Variants in SALL1 observed in about 807,000 individuals in gnomAD.
SALL1 encodes the protein sal-like protein 1.
SALL1 carries 10 observed loss-of-function variants against 73.1 expected under a neutral mutation model. The observed-to-expected ratio is 0.14, with a 90% CI of 0.08 to 0.23. SALL1 has a LOEUF of 0.23. Among genes scored for constraint, SALL1 ranks in the 10% least tolerant of loss-of-function variants. The probability of loss-of-function intolerance (pLI) is 1.00; values close to 1 mark genes in which losing one functional copy is unlikely to be tolerated. For missense variants in SALL1, 1,520 were observed against 1,697.3 expected (o/e 0.90, Z 1.84); for synonymous variants, 688 against 689.8 (o/e 1.00, Z 0.04).
intron 1 of SALL1, among the ~76,000 whole-genome samples, chr16:51,142,439 A>T (rs1192329860): frequency 1.3e-5 from 2 of 152,168 alleles, no homozygotes; most frequent in Non-Finnish European, 2.9e-5. Flanking sequence ...CAAAATATTG[A>T]TTTCCAATCT....
intron 1 of SALL1, chr16:51,150,381 C>T: frequency 2.0e-6 from 2 of 985,286 alleles, no homozygotes; most frequent in African/African-American, 3.5e-5. Flanking sequence ...GCATACCGAC[C>T]AGAAAGATTT....
At chr16:51,147,278 T>C (rs1437290078) in intron 1 of SALL1, among the ~76,000 whole-genome samples, 2 of 152,254 alleles carry the variant, frequency 1.3e-5, no homozygotes, top group African/African-American at 2.4e-5. Context: ...TAACTAGACT[T>C]TGCTCATTTA....
rs1241832382 is a variant in SALL1, at chr16:51,138,980, A to G, written c.3242T>C (p.Leu1081Ser). The change falls in exon 2 of 3, where the codon TTG becomes TCG. Residue 1081 changes from leucine (L) to serine (S), a missense_variant. This residue lies in a region of SALL1 where 318 missense variants were observed against 357.1 expected (regional missense o/e 0.89). Transcript: ENST00000251020. ...GACCTCTGTCTTGATGAGAGATGAC[A>G]ACGAGTTGGCGGGAATCACCGCTGA... The part of the protein sequence containing the change: ...QNSAVIPANS[L>S]SSLIKTEVNG... The G allele has an allele frequency of 5.0e-6, 8 of 1,614,132 alleles. No individual in the cohort carries two copies. Among genetic ancestry groups the G allele is most frequent in the Non-Finnish European group, 5.9e-6 (7 of 1,180,010 alleles).
chr16:51,143,375 T>C, intron 1 of SALL1: 1 of 429,220 alleles, frequency 2.3e-6, no homozygotes, highest in Non-Finnish European at 4.7e-6. Context: ...CACCAACTTC[T>C]GTTGTACAAA....
At chr16:51,151,828 C>G (rs1044093094), upstream of SALL1, among the ~76,000 whole-genome samples, 1 of 149,816 alleles carries the variant, frequency 6.7e-6, no homozygotes, top group East Asian at 2.1e-4. Context: ...GGGGTGGGGC[C>G]GGGCGGCGAG....
In SALL1 at chr16:51,151,156, G is replaced by A. The variant is rs758439424; in HGVS notation, c.76+10C>T. On this transcript the variant is annotated intron_variant, in intron 1 of 2. Transcript: ENST00000251020. ...GTGTGTGTGTCCACGGCGCGGGCCGGAGCACTCACCATCTCGCCGGGGGAG... is the reference window on the plus strand; with the variant it reads ...GTGTGTGTGTCCACGGCGCGGGCCGAAGCACTCACCATCTCGCCGGGGGAG... 2.5e-6 allele frequency: 4 copies of A among 1,589,768 alleles called. No homozygotes were observed. The highest frequency in any genetic ancestry group is 2.3e-5 in the East Asian group (1 of 43,858).
intron 1 of SALL1, among the ~76,000 whole-genome samples, chr16:51,142,967 G>A (rs1962467049): frequency 6.6e-6 from 1 of 151,950 alleles, no homozygotes; most frequent in Admixed American, 6.5e-5. Context: ...GCAACATTAT[G>A]CCTCTAAATA....
At position 51,141,859 on chromosome 16, in the gene SALL1, C is replaced by G. The variant is rs750844915; in HGVS notation, c.363G>C (p.Arg121Ser). ...SDLSEHNGLD[R>S]EESMEVEAPV... ...GGGCCTCCACCTCCATGGACTCTTC[C>G]CTGTCAAGTCCGTTGTGTTCTGAAA... Residue 121 changes from arginine (R) to serine (S), a missense_variant, in exon 2 of 3, where the codon AGG (arginine) becomes AGC (serine). Coordinates refer to ENST00000251020, the MANE Select transcript of SALL1 (RefSeq NM_002968.3). The surrounding 1 kb of genome is among the most constrained non-coding windows in gnomAD (Gnocchi z 5.4). 1 of 1,613,902 alleles carries G rather than the reference C, an allele frequency of 6.2e-7. No individual in the cohort carries two copies. Among genetic ancestry groups the G allele is most frequent in the South Asian group, 1.1e-5 (1 of 91,074 alleles).
At chr16:51,145,598 G>A (rs73585427) in intron 1 of SALL1, among the ~76,000 whole-genome samples, 2,825 of 152,162 alleles carry the variant, frequency 0.019, 85 homozygotes, top group African/African-American at 0.066. Flanking sequence ...AGTTCCTGTT[G>A]TACTATTTAG....
intron 1 of SALL1, among the ~76,000 whole-genome samples, chr16:51,148,957 G>GT (rs1302898351): frequency 6.6e-6 from 1 of 152,034 alleles, no homozygotes; most frequent in Non-Finnish European, 1.5e-5. Context: ...GCCCCTAACA[G>GT]TTTACTGCTT....
chr16:51,141,319 C>G lies in SALL1; in HGVS notation c.903G>C (p.Gln301His). The G allele has an allele frequency of 6.2e-7, 1 of 1,613,814 alleles. No homozygotes were observed. The highest frequency in any genetic ancestry group is 8.5e-7 in the Non-Finnish European group (1 of 1,180,044). The change falls in exon 2 of 3, where the codon CAG becomes CAC. Residue 301 changes from glutamine (Q) to histidine (H), a missense_variant. Physicochemically the swap from Gln to His is conservative, Grantham distance 24. Coordinates refer to ENST00000251020, the MANE Select transcript of SALL1 (RefSeq NM_002968.3). This position sits in a 1 kb window ranked among gnomAD's most constrained non-coding sequence, Gnocchi z 5.4. ...QQLAAAAGLA[Q>H]SLASQSASIS... ...TGCTGGCAGATTGGCTGGCGAGGCT[C>G]TGTGCCAATCCAGCTGCTGCTGCCA...
At chr16:51,150,110 G>C (rs1209981493) in intron 1 of SALL1, among the ~76,000 whole-genome samples, 1 of 151,806 alleles carries the variant, frequency 6.6e-6, no homozygotes, top group Non-Finnish European at 1.5e-5. Flanking sequence ...AGCAAGGAGG[G>C]ATTCCAGGTG....
In SALL1 at chr16:51,138,553, T is replaced by A. The variant is rs1055300881; in HGVS notation, c.3534+135A>T. The A allele has an allele frequency of 3.7e-5, 43 of 1,172,046 alleles. No homozygotes were observed. In the African/African-American group the frequency reaches 5.8e-4, roughly 16 times the overall value. The allele number at this position is 1,172,046 out of a possible 1,614,324, so 72.6% of individuals were successfully genotyped here. A position where few individuals can be genotyped will look rare whatever the true frequency, so the allele number is the denominator to read the frequency against. On this transcript the variant is annotated intron_variant, in intron 2 of 2. Coordinates refer to ENST00000251020, the MANE Select transcript of SALL1 (RefSeq NM_002968.3). The stretch of plus-strand genomic sequence containing the variant: ...TCCCCCATTTCTCCCCCGTCAACCA[T>A]GTGCAGCAGGTTCCCTTGCAAGAGC...
Position 51,141,681 on chromosome 16 carries a change from C to T in SALL1, c.541G>A (p.Asp181Asn), listed in dbSNP as rs758534006. ...GAGAAGTTGCCCAGTGTTGTCAGGT[C>T]CCCGAGTTGAGGTAGAGAGGTTGTG... ...AITTSLPQLG[D>N]LTTLGNFSVI... The change falls in exon 2 of 3, where the codon GAC (aspartate) becomes AAC (asparagine). Residue 181 changes from aspartate (D) to asparagine (N), a missense_variant. Transcript: ENST00000251020. This position sits in a 1 kb window ranked among gnomAD's most constrained non-coding sequence, Gnocchi z 5.4. 6 of 1,613,442 alleles carry T rather than the reference C, an allele frequency of 3.7e-6. No individual in the cohort carries two copies. The highest frequency in any genetic ancestry group is 2.2e-5 in the East Asian group (1 of 44,872).
chr16:51,137,036 G>T lies in SALL1; in HGVS notation c.*76C>A. ...CAGAAGGAAGGGGCGGGGCGGGGTG[G>T]GGGGCAAGGAGTAGGAGGCCACCAT... is the stretch of plus-strand genomic sequence containing the variant. On this transcript the variant is annotated 3_prime_UTR_variant, in exon 3 of 3. Coordinates refer to ENST00000251020, the MANE Select transcript of SALL1 (RefSeq NM_002968.3). 7.4e-7 allele frequency: 1 copy of T among 1,351,474 alleles called. No individual in the cohort carries two copies. The highest frequency in any genetic ancestry group is 1.2e-5 in the South Asian group (1 of 82,242). 83.7% of individuals were successfully genotyped at this position (1,351,474 alleles called of 1,614,324 possible). A position where few individuals can be genotyped will look rare whatever the true frequency, so the allele number is the denominator to read the frequency against.
intron 1 of SALL1, 186 bp downstream of exon 1, chr16:51,150,980 G>A (rs1343642026): frequency 2.4e-6 from 1 of 419,200 alleles, no homozygotes. Flanking sequence ...GGCAGCGGGG[G>A]AAAGCCCAGC....
At position 51,141,719 on chromosome 16, in the gene SALL1, C is replaced by G. The variant is rs761543314; in HGVS notation, c.503G>C (p.Gly168Ala). Residue 168 changes from glycine (G) to alanine (A), a missense_variant, in exon 2 of 3, where the codon GGT becomes GCT. By Grantham distance (60) the Gly-to-Ala change is moderately conservative (BLOSUM62 0). Around this residue, in one of 7 missense-constraint regions of SALL1, gnomAD observed 540 missense variants for 567.5 expected, o/e 0.95. Transcript: ENST00000251020. This position sits in a 1 kb window ranked among gnomAD's most constrained non-coding sequence, Gnocchi z 5.4. ...SSGGGGSSST[G>A]TSAITTSLPQ... is the part of the protein sequence containing the mutation. ...TAGAGAGGTTGTGATCGCTGAGGTACCTGTGGAGGAGCTGCCGCCGCCGCC... is the reference window on the plus strand; with the variant it reads ...TAGAGAGGTTGTGATCGCTGAGGTAGCTGTGGAGGAGCTGCCGCCGCCGCC... The G allele has an allele frequency of 6.2e-7, 1 of 1,613,504 alleles. No homozygotes were observed. The highest frequency in any genetic ancestry group is 8.5e-7 in the Non-Finnish European group (1 of 1,179,986).
intron 1 of SALL1, among the ~76,000 whole-genome samples, chr16:51,146,951 GT>G (rs1962526400): frequency 6.6e-6 from 1 of 152,204 alleles, no homozygotes; most frequent in South Asian, 2.1e-4. Context: ...GAAAAACCTA[GT>G]TGAGGTTGTA....
At chr16:51,145,979 C>CTTT (rs372735955) in intron 1 of SALL1, among the ~76,000 whole-genome samples, 2 of 128,882 alleles carry the variant, frequency 1.6e-5, no homozygotes, top group Non-Finnish European at 3.3e-5. Context: ...ATTGATTGGT[C>CTTT]TTTTTTTTTT....
Sources: gnomAD v4.1 joint callset for allele counts (sites outside exome capture counted in the v4.1 genomes callset) on GRCh38, gnomAD v4.1.1 for gene constraint, gnomAD v4.1.1 regional missense constraint, Gnocchi (gnomAD v3.1) non-coding constraint, MANE v1.5 for transcripts, NCBI Gene and HGNC (gene_info 2026-07-23, HGNC 2026-07-21) for gene names.